POLQ: variants seen among roughly 807,000 people sequenced by gnomAD.
POLQ encodes the protein DNA polymerase theta.
POLQ carries 233 observed loss-of-function variants against 259.2 expected under a neutral mutation model. The ratio of observed to expected loss-of-function variants is 0.90; its 90% CI spans 0.81 to 1.00. The LOEUF is 1.00. Among genes scored for constraint, POLQ ranks in the 50% least tolerant of loss-of-function variants. The pLI is 0.00. For missense variants in POLQ, 2,871 were observed against 3,051.6 expected (o/e 0.94, Z 1.39); for synonymous variants, 1,025 against 1,048.8 (o/e 0.98, Z 0.44).
intron 9 of POLQ, among the ~76,000 whole-genome samples, chr3:121,516,024 G>C (rs368120679): frequency 4.6e-5 from 7 of 151,944 alleles, no homozygotes; most frequent in Admixed American, 4.6e-4. Context: ...AGAGTACAAT[G>C]AGTGAACTGA....
intron 2 of POLQ, among the ~76,000 whole-genome samples, chr3:121,543,228 C>T (rs557068298): frequency 3.9e-5 from 6 of 152,252 alleles, no homozygotes; most frequent in African/African-American, 1.4e-4. Context: ...CAGTTTCAAG[C>T]AATTGAAATG....
At chr3:121,452,510 C>A (rs1412048419) in intron 25 of POLQ, among the ~76,000 whole-genome samples, 1 of 129,096 alleles carries the variant, frequency 7.7e-6, no homozygotes, top group East Asian at 2.3e-4. Flanking sequence ...TTTTTTTTAA[C>A]TCATGTTGCT....
intron 5 of POLQ, 46 bp from the exon 6 acceptor site, chr3:121,533,255 T>A (rs773631285): frequency 3.3e-6 from 4 of 1,223,010 alleles, no homozygotes; most frequent in Non-Finnish European, 2.3e-6. Context: ...ATATAATACA[T>A]TAATAATTAG....
chr3:121,506,296 CAAAAAA>C (rs1176497409), intron 12 of POLQ, among the ~76,000 whole-genome samples: 1 of 151,480 alleles, frequency 6.6e-6, no homozygotes, highest in Non-Finnish European at 1.5e-5. Context: ...AAAACAAAAA[CAAAAAA>C]ACACACACAC....
At chr3:121,476,323 A>C (rs1302801930) in intron 20 of POLQ, among the ~76,000 whole-genome samples, 1 of 152,102 alleles carries the variant, frequency 6.6e-6, no homozygotes, top group African/African-American at 2.4e-5. Context: ...ACATTCTAGA[A>C]GTCCTCTTTA....
intron 2 of POLQ, among the ~76,000 whole-genome samples, chr3:121,543,245 C>A (rs1330128020): frequency 1.3e-5 from 2 of 152,188 alleles, no homozygotes; most frequent in Admixed American, 6.5e-5. Flanking sequence ...AATGGTCAAG[C>A]AATTATGCCA....
At chr3:121,476,327 C>T (rs949934333) in intron 20 of POLQ, among the ~76,000 whole-genome samples, 1 of 152,082 alleles carries the variant, frequency 6.6e-6, no homozygotes, top group African/African-American at 2.4e-5. Context: ...TCTAGAAGTC[C>T]TCTTTATTAC....
intron 25 of POLQ, among the ~76,000 whole-genome samples, chr3:121,450,182 A>G (rs1246782665): frequency 6.6e-6 from 1 of 152,140 alleles, no homozygotes; most frequent in Non-Finnish European, 1.5e-5. Flanking sequence ...GGTTTAAATG[A>G]GTTATTACTT....
At chr3:121,545,637 T>A in intron 1 of POLQ, 78 bp downstream of exon 1, 1 of 1,362,110 alleles carries the variant, frequency 7.3e-7, no homozygotes, top group Non-Finnish European at 9.8e-7. Flanking sequence ...GCAAGTCCCG[T>A]GGGGTGAGGA....
At chr3:121,545,043 A>C in intron 1 of POLQ, 137 bp from the exon 2 acceptor site, 1 of 572,320 alleles carries the variant, frequency 1.7e-6, no homozygotes, top group Non-Finnish European at 3.1e-6. Flanking sequence ...CAAGAATCTT[A>C]TGAGAAATTG....
At chr3:121,544,633 C>G (rs987311510) in intron 2 of POLQ, 94 bp downstream of exon 2, 3 of 744,952 alleles carry the variant, frequency 4.0e-6, no homozygotes, top group Non-Finnish European at 6.8e-6. Context: ...AGCACTGCCT[C>G]ATTCACCTTT....
Position 121,449,432 on chromosome 3 carries a change from A to G in POLQ, c.7153-6T>C, listed in dbSNP as rs762444327. The G allele has an allele frequency of 4.2e-6, 6 of 1,422,926 alleles. No individual in the cohort carries two copies. Among genetic ancestry groups the G allele is most frequent in the Non-Finnish European group, 6.0e-6 (6 of 1,005,844 alleles). 88.1% of individuals were successfully genotyped at this position (1,422,926 alleles called of 1,614,324 possible). A position where few individuals can be genotyped will look rare whatever the true frequency, so the allele number is the denominator to read the frequency against. On this transcript the variant is annotated splice_region_variant and splice_polypyrimidine_tract_variant and intron_variant, in intron 25 of 29. Coordinates refer to ENST00000264233, the MANE Select transcript of POLQ (RefSeq NM_199420.4). ...TAAATGATCCCATAGCAAATCTGAA[A>G]GGGAGTCATCCAACAAATAAAGGTT...
intron 18 of POLQ, among the ~76,000 whole-genome samples, chr3:121,482,505 A>G (rs1333524396): frequency 7.2e-6 from 1 of 138,354 alleles, no homozygotes; most frequent in Non-Finnish European, 1.6e-5. Flanking sequence ...GGGCAACAAG[A>G]GCAAAACTTC....
At chr3:121,481,887 A>G in intron 18 of POLQ, 75 bp from the exon 19 acceptor site, 1 of 1,331,872 alleles carries the variant, frequency 7.5e-7, no homozygotes, top group Non-Finnish European at 1.0e-6. Context: ...TGAAAAGGGA[A>G]AAAAACAAAG....
chr3:121,532,295 A>G (rs1321550863), intron 6 of POLQ, among the ~76,000 whole-genome samples: 1 of 151,946 alleles, frequency 6.6e-6, no homozygotes, highest in African/African-American at 2.4e-5. Flanking sequence ...TTTTCACTCT[A>G]CTATATATTA....
intron 19 of POLQ, among the ~76,000 whole-genome samples, chr3:121,477,767 C>G (rs997188381): frequency 6.6e-6 from 1 of 152,122 alleles, no homozygotes; most frequent in Non-Finnish European, 1.5e-5. Context: ...GCAACCCTGG[C>G]CCACCTTCCC....
rs766957741 is a variant in POLQ, at chr3:121,473,529, C to A, written c.6406-42G>T. ...TCTCTTTAGTCAAGAATGAAACTTG[C>A]AAGGATTATCATTCAGAAAATATTT... On this transcript the variant is annotated intron_variant, in intron 20 of 29. Coordinates refer to ENST00000264233, the MANE Select transcript of POLQ (RefSeq NM_199420.4). 33 of 1,511,256 alleles carry A rather than the reference C, an allele frequency of 2.2e-5. No homozygotes were observed. The East Asian group carries it at 7.0e-4, about 32-fold the overall frequency. 93.6% of individuals were successfully genotyped at this position (1,511,256 alleles called of 1,614,324 possible). A position where few individuals can be genotyped will look rare whatever the true frequency, so the allele number is the denominator to read the frequency against.
Position 121,489,793 on chromosome 3 carries a change from C to T in POLQ, c.3138G>A (p.Lys1046=). The change falls in exon 16 of 30, where the codon AAG becomes AAA. Residue 1046 remains lysine, a synonymous_variant. Coordinates refer to ENST00000264233, the MANE Select transcript of POLQ (RefSeq NM_199420.4). ...TGCTGTCCCTAGATCGCTTTAGATG[C>T]TTTCTACGTTTCCAAGATCGAAAAC... is the stretch of plus-strand genomic sequence containing the variant. ...SRSFRSWKRR[K]HLKRSRDSSP... 4 of 1,612,872 alleles carry T rather than the reference C, an allele frequency of 2.5e-6. No individual in the cohort carries two copies. Among genetic ancestry groups the T allele is most frequent in the East Asian group, 2.2e-5 (1 of 44,866 alleles).
chr3:121,457,960 C>G (rs1386517697), intron 25 of POLQ, among the ~76,000 whole-genome samples: 1 of 152,114 alleles, frequency 6.6e-6, no homozygotes, highest in Non-Finnish European at 1.5e-5. Flanking sequence ...GCACTATTCA[C>G]AAGAGCAAAG....
Sources: allele counts gnomAD v4.1 joint callset (sites outside exome capture counted in the v4.1 genomes callset), GRCh38; gene constraint gnomAD v4.1.1; transcripts MANE v1.5; gene names NCBI Gene and HGNC (gene_info 2026-07-23, HGNC 2026-07-21).